The following LYPLAL1 variants were observed in gnomAD, a reference collection of about 807,000 sequenced individuals.
LYPLAL1 encodes the protein lysophospholipase-like protein 1.
A neutral mutation model predicts 19.7 loss-of-function variants in LYPLAL1; 23 were observed. The ratio of observed to expected loss-of-function variants is 1.17; its 90% CI spans 0.84 to 1.65. LYPLAL1 has a LOEUF of 1.65. LYPLAL1 is among the 40% of genes most tolerant of loss of function. LYPLAL1 has a pLI of 0.00. For missense variants in LYPLAL1, 355 were observed against 279.4 expected (o/e 1.27, Z -1.93); for synonymous variants, 119 against 96.3 (o/e 1.24, Z -1.38).
At chr1:219,214,516 C>T (rs572273780), downstream of LYPLAL1, among the ~76,000 whole-genome samples, 3 of 152,074 alleles carry the variant, frequency 2.0e-5, no homozygotes, top group East Asian at 3.9e-4. Flanking sequence ...TTTCCGCATA[C>T]TATAACTTTT....
chr1:219,283,990 C>T, the LYPLAL1 span, among the ~76,000 whole-genome samples: 4 of 152,152 alleles, frequency 2.6e-5, no homozygotes, highest in African/African-American at 4.8e-5. Flanking sequence ...GTAATTCCCA[C>T]GTATGGAGGG....
At chr1:219,361,456 C>G in the LYPLAL1 span, among the ~76,000 whole-genome samples, 1 of 152,144 alleles carries the variant, frequency 6.6e-6, no homozygotes, top group Non-Finnish European at 1.5e-5. Flanking sequence ...GTGTGTGCAT[C>G]TGTGTTTCAG....
At position 219,212,461 on chromosome 1, in the gene LYPLAL1, A is replaced by G. The variant is rs1046956230; in HGVS notation, c.*733A>G. On this transcript the variant is annotated 3_prime_UTR_variant, in exon 5 of 5. Coordinates refer to ENST00000366928, the MANE Select transcript of LYPLAL1 (RefSeq NM_138794.5). Reference sequence around the variant, plus strand: ...AATAAACACTCAATAAAGATTAACCATAAGGAGAGTCATGATCTGGTTCCA... The same window carrying G: ...AATAAACACTCAATAAAGATTAACCGTAAGGAGAGTCATGATCTGGTTCCA... The G allele has an allele frequency of 1.3e-5, 2 of 152,070 alleles. No individual in the cohort carries two copies. The highest frequency in any genetic ancestry group is 6.6e-5 in the Admixed American group (1 of 15,248). The allele number at this position is 152,070 out of a possible 1,614,324, so 9.4% of individuals were successfully genotyped here.
chr1:219,392,822 A>G, the LYPLAL1 span, among the ~76,000 whole-genome samples: 1 of 152,186 alleles, frequency 6.6e-6, no homozygotes, highest in African/African-American at 2.4e-5. Flanking sequence ...ATAATAAACA[A>G]TATTCCCAAG....
chr1:219,318,505 A>G, the LYPLAL1 span, among the ~76,000 whole-genome samples: 2 of 152,134 alleles, frequency 1.3e-5, no homozygotes, highest in Admixed American at 1.3e-4. Flanking sequence ...CAAGGATTAC[A>G]TGTCATTTAC....
At chr1:219,427,326 A>G in the LYPLAL1 span, among the ~76,000 whole-genome samples, 2 of 152,220 alleles carry the variant, frequency 1.3e-5, no homozygotes, top group African/African-American at 4.8e-5. Context: ...ATAGGTCTAG[A>G]GAGAACATAA....
At chr1:219,419,594 C>CACACACACACACACACAGAGAGAG in the LYPLAL1 span, among the ~76,000 whole-genome samples, 212 of 99,574 alleles carry the variant, frequency 2.1e-3, 3 homozygotes, top group Non-Finnish European at 2.7e-3. Flanking sequence ...CACACACACA[C>CACACACACACACACACAGAGAGAG]AGAGAGAGAG....
At chr1:219,175,083 A>G in intron 1 of LYPLAL1, 1 of 985,444 alleles carries the variant, frequency 1.0e-6, no homozygotes, top group Non-Finnish European at 1.2e-6. Context: ...AGACCTGGAA[A>G]AGGGCAATTG....
chr1:219,260,493 T>C, the LYPLAL1 span, among the ~76,000 whole-genome samples: 7 of 151,638 alleles, frequency 4.6e-5, no homozygotes, highest in Non-Finnish European at 8.9e-5. Context: ...AGAAAAGTGA[T>C]TTGAATTACA....
At chr1:219,230,238 G>A in the LYPLAL1 span, among the ~76,000 whole-genome samples, 1 of 152,054 alleles carries the variant, frequency 6.6e-6, no homozygotes, top group African/African-American at 2.4e-5. Flanking sequence ...TCAGCCTCCC[G>A]AGCAGCTGGG....
At chr1:219,325,039 G>C in the LYPLAL1 span, among the ~76,000 whole-genome samples, 2 of 152,018 alleles carry the variant, frequency 1.3e-5, no homozygotes, top group Non-Finnish European at 2.9e-5. Context: ...AGTTCCTATG[G>C]GAAATATAAA....
chr1:219,365,818 T>G, the LYPLAL1 span, among the ~76,000 whole-genome samples: 3 of 152,274 alleles, frequency 2.0e-5, no homozygotes, highest in South Asian at 6.2e-4. Context: ...CTTAGAAAAC[T>G]GTTAGCTTTG....
At chr1:219,419,584 C>CAG in the LYPLAL1 span, among the ~76,000 whole-genome samples, 3 of 129,006 alleles carry the variant, frequency 2.3e-5, no homozygotes, top group African/African-American at 9.2e-5. Flanking sequence ...CACACACACA[C>CAG]ACACACACAC....
At chr1:219,281,939 C>A in the LYPLAL1 span, among the ~76,000 whole-genome samples, 1 of 152,116 alleles carries the variant, frequency 6.6e-6, no homozygotes, top group African/African-American at 2.4e-5. Flanking sequence ...TACAGTAGTT[C>A]CAGCAGTATT....
the LYPLAL1 span, among the ~76,000 whole-genome samples, chr1:219,299,980 C>G: frequency 6.6e-6 from 1 of 152,108 alleles, no homozygotes; most frequent in African/African-American, 2.4e-5. Flanking sequence ...TATAGGCTTG[C>G]TGAAATATAT....
chr1:219,252,171 G>A, the LYPLAL1 span, among the ~76,000 whole-genome samples: 1 of 151,902 alleles, frequency 6.6e-6, no homozygotes, highest in Non-Finnish European at 1.5e-5. Flanking sequence ...TCATCATCTG[G>A]AGGAACTTTT....
chr1:219,293,506 C>T, the LYPLAL1 span, among the ~76,000 whole-genome samples: 1 of 152,076 alleles, frequency 6.6e-6, no homozygotes, highest in African/African-American at 2.4e-5. Flanking sequence ...TCACTGGAGA[C>T]ATTGTTTTTC....
the LYPLAL1 span, among the ~76,000 whole-genome samples, chr1:219,227,087 G>A: frequency 6.6e-6 from 1 of 152,248 alleles, no homozygotes; most frequent in South Asian, 2.1e-4. Flanking sequence ...CCCTATGCAG[G>A]GGCCTAATTC....
the LYPLAL1 span, among the ~76,000 whole-genome samples, chr1:219,302,129 C>T: frequency 6.6e-6 from 1 of 152,120 alleles, no homozygotes; most frequent in African/African-American, 2.4e-5. Flanking sequence ...CTGTGATGAT[C>T]CTATTATTCT....
Sources: gnomAD v4.1 joint callset for allele counts (sites outside exome capture counted in the v4.1 genomes callset) on GRCh38, gnomAD v4.1.1 for gene constraint, MANE v1.5 for transcripts, NCBI Gene and HGNC (gene_info 2026-07-23, HGNC 2026-07-21) for gene names.